Variants in AGBL4 observed in about 807,000 individuals in gnomAD.
AGBL4 encodes the protein cytosolic carboxypeptidase 6.
Under a neutral mutation model 66.4 loss-of-function variants are expected in AGBL4, and 58 were observed. The ratio of observed to expected loss-of-function variants is 0.87; its 90% CI spans 0.71 to 1.09. AGBL4 has a LOEUF of 1.09. Among genes scored for constraint, AGBL4 ranks in the 50% least tolerant of loss-of-function variants. AGBL4 has a pLI of 0.00. For synonymous variants in AGBL4, 234 were observed against 222.9 expected (o/e 1.05, Z -0.44); for missense variants, 579 against 631.0 (o/e 0.92, Z 0.88).
At position 49,999,498 on chromosome 1, in the gene AGBL4, A is replaced by G. The variant is rs74876391; in HGVS notation, c.34+24265T>C. Among the ~76,000 whole-genome samples the G allele has an allele frequency of 8.2e-3, 1,244 of 152,268 alleles. 10 individuals carry two copies. The highest frequency in any genetic ancestry group is 0.031 in the Middle Eastern group (9 of 294). On this transcript the variant is annotated intron_variant, in intron 1 of 13. Coordinates refer to ENST00000371839, the MANE Select transcript of AGBL4 (RefSeq NM_032785.4). ...TAGAATCAATACTGCAAAACTGACC[A>G]TAGTGCCAAAAACTATCTACAAATT... is the stretch of plus-strand genomic sequence containing the variant.
At chr1:49,405,041 G>A (rs1369497520) in intron 3 of AGBL4, among the ~76,000 whole-genome samples, 1 of 152,168 alleles carries the variant, frequency 6.6e-6, no homozygotes, top group Non-Finnish European at 1.5e-5. Flanking sequence ...GCTTGGGAAT[G>A]CTCAACTTCC....
intron 3 of AGBL4, among the ~76,000 whole-genome samples, chr1:49,456,653 G>A (rs1449175572): frequency 2.0e-5 from 3 of 151,328 alleles, no homozygotes; most frequent in Non-Finnish European, 3.0e-5. Context: ...GTCAATTTCC[G>A]AGATTTTGGT....
intron 7 of AGBL4, 114 bp from the exon 8 acceptor site, chr1:48,653,565 T>C (rs1645968640): frequency 1.4e-6 from 1 of 719,874 alleles, no homozygotes. Flanking sequence ...GCCTGTGTTG[T>C]TATTGGCCAC....
intron 4 of AGBL4, among the ~76,000 whole-genome samples, chr1:49,172,595 C>T (rs926463913): frequency 2.6e-5 from 4 of 152,062 alleles, no homozygotes; most frequent in African/African-American, 9.7e-5. Flanking sequence ...TGAGCAGAGC[C>T]AAACAACATA....
intron 3 of AGBL4, among the ~76,000 whole-genome samples, chr1:49,690,586 G>T (rs546940069): frequency 3.9e-5 from 6 of 152,090 alleles, no homozygotes; most frequent in African/African-American, 1.2e-4. Context: ...TACTAATAAT[G>T]GTACTTACTT....
chr1:49,422,161 A>AGAT (rs1462788153), intron 3 of AGBL4, among the ~76,000 whole-genome samples: 1 of 152,226 alleles, frequency 6.6e-6, no homozygotes, highest in East Asian at 1.9e-4. Flanking sequence ...TCAGCAATAT[A>AGAT]GATGCAGGCA....
At chr1:49,916,104 C>T (rs997254102) in intron 1 of AGBL4, among the ~76,000 whole-genome samples, 2 of 152,050 alleles carry the variant, frequency 1.3e-5, no homozygotes, top group East Asian at 1.9e-4. Flanking sequence ...CATCAAAGAC[C>T]AAAGGTAGAT....
chr1:49,057,675 C>T (rs1284535946), intron 4 of AGBL4, among the ~76,000 whole-genome samples: 1 of 152,060 alleles, frequency 6.6e-6, no homozygotes, highest in Non-Finnish European at 1.5e-5. Flanking sequence ...CTGTTAATAT[C>T]CCTCAGAGCA....
chr1:49,587,401 C>T (rs1047090684), intron 3 of AGBL4, among the ~76,000 whole-genome samples: 1 of 152,174 alleles, frequency 6.6e-6, no homozygotes. Flanking sequence ...TCTGTGTTCC[C>T]ATAGCTCATG....
intron 3 of AGBL4, among the ~76,000 whole-genome samples, chr1:49,556,114 G>A (rs766156999): frequency 5.1e-4 from 77 of 152,190 alleles, no homozygotes; most frequent in Non-Finnish European, 8.7e-4. Flanking sequence ...CAATAACAAA[G>A]ACTTGGAACC....
At chr1:48,703,500 G>A (rs1205810842) in intron 6 of AGBL4, among the ~76,000 whole-genome samples, 1 of 152,134 alleles carries the variant, frequency 6.6e-6, no homozygotes, top group Non-Finnish European at 1.5e-5. Flanking sequence ...TGGTAGGGAT[G>A]GGGTATAAAA....
intron 9 of AGBL4, among the ~76,000 whole-genome samples, chr1:48,611,876 A>G (rs1315171835): frequency 2.0e-5 from 3 of 152,248 alleles, no homozygotes; most frequent in Non-Finnish European, 4.4e-5. Flanking sequence ...CCTAGTCTGA[A>G]ACAAACAAAC....
At chr1:49,382,292 T>C (rs1178417272) in intron 3 of AGBL4, among the ~76,000 whole-genome samples, 1 of 152,168 alleles carries the variant, frequency 6.6e-6, no homozygotes, top group Non-Finnish European at 1.5e-5. Context: ...AAGCATTTCA[T>C]TGTTTACCAA....
Position 49,998,698 on chromosome 1 carries a change from A to G in AGBL4, c.34+25065T>C, listed in dbSNP as rs544757196. Among the ~76,000 whole-genome samples the G allele has an allele frequency of 2.6e-5, 4 of 152,324 alleles. No individual in the cohort carries two copies. The South Asian group carries it at 8.3e-4, about 32-fold the overall frequency. On this transcript the variant is annotated intron_variant, in intron 1 of 13. Coordinates refer to ENST00000371839, the MANE Select transcript of AGBL4 (RefSeq NM_032785.4). ...CAAAATCCTCAATAAAATACTAGCT[A>G]ACTGATTTCAACAACATATCAAAAA...
intron 2 of AGBL4, among the ~76,000 whole-genome samples, chr1:49,808,931 G>C (rs996778155): frequency 1.3e-5 from 2 of 151,906 alleles, no homozygotes; most frequent in East Asian, 3.8e-4. Flanking sequence ...AACATGCAGC[G>C]ATAATATATG....
intron 11 of AGBL4, among the ~76,000 whole-genome samples, chr1:48,562,263 C>T (rs931141485): frequency 1.5e-4 from 23 of 152,232 alleles, no homozygotes; most frequent in African/African-American, 4.6e-4. Context: ...TGGGAAAGAA[C>T]GATTTTGTAG....
intron 6 of AGBL4, among the ~76,000 whole-genome samples, chr1:48,711,132 G>A (rs964649260): frequency 1.3e-5 from 2 of 152,156 alleles, no homozygotes; most frequent in Non-Finnish European, 2.9e-5. Flanking sequence ...CCAGGGTCCA[G>A]CTCCAGCCCA....
intron 4 of AGBL4, among the ~76,000 whole-genome samples, chr1:49,206,595 T>C (rs1034356408): frequency 3.9e-5 from 6 of 152,002 alleles, no homozygotes; most frequent in Non-Finnish European, 8.8e-5. Flanking sequence ...ATAGAGTGTA[T>C]AGGATGAAGA....
intron 3 of AGBL4, among the ~76,000 whole-genome samples, chr1:49,441,431 T>TG (rs1270544742): frequency 4.6e-5 from 7 of 152,170 alleles, no homozygotes; most frequent in Non-Finnish European, 1.0e-4. Flanking sequence ...GATTAAAAGA[T>TG]GGTCCACTGT....
Sources: gnomAD v4.1 joint callset for allele counts (sites outside exome capture counted in the v4.1 genomes callset) on GRCh38, gnomAD v4.1.1 for gene constraint, MANE v1.5 for transcripts, NCBI Gene and HGNC (gene_info 2026-07-23, HGNC 2026-07-21) for gene names.